PLA2G4D: variants seen among roughly 807,000 people sequenced by gnomAD.
The protein encoded by PLA2G4D is phospholipase A2 group IVD.
Under a neutral mutation model 94.4 loss-of-function variants are expected in PLA2G4D, and 80 were observed. The observed-to-expected ratio is 0.85, with a 90% CI of 0.71 to 1.02. PLA2G4D has a LOEUF of 1.02. Ranked by LOEUF, PLA2G4D falls within the 50% of genes least tolerant of loss-of-function variation. The pLI is 0.00. For missense variants in PLA2G4D, 1,050 were observed against 1,034.7 expected, an observed-to-expected ratio of 1.01 and a Z score of -0.20; for synonymous variants, 438 against 440.9, an observed-to-expected ratio of 0.99 and a Z score of 0.08.
intron 5 of PLA2G4D, 40 bp from the exon 6 acceptor site, chr15:42,085,178 A>C: frequency 6.2e-7 from 1 of 1,613,182 alleles, no homozygotes; most frequent in Non-Finnish European, 8.5e-7. Flanking sequence ...CGCTTCCTGC[A>C]TTGACCTCCC....
rs1344367016 is a variant in PLA2G4D, at chr15:42,083,238, T to C, written c.632A>G (p.Tyr211Cys). Residue 211 changes from tyrosine to cysteine, a missense_variant, in exon 8 of 20, where the codon TAC (tyrosine) becomes TGC (cysteine). Coordinates refer to ENST00000290472, the MANE Select transcript of PLA2G4D (RefSeq NM_178034.4). ...CAGCTCTGTCTCTAGGGCTGCCATG[T>C]AGTGGAAGCGGAAGGCAGAGGCTGT... ...LGTASAFRFHYMAALETELSG... is the reference protein window; with the variant it reads ...LGTASAFRFHCMAALETELSG... 1 of 1,614,116 alleles carries C rather than the reference T, an allele frequency of 6.2e-7. No homozygotes were observed. Among genetic ancestry groups the C allele is most frequent in the African/African-American group, 1.3e-5 (1 of 75,038 alleles).
chr15:42,079,838 G>A (rs984187840), intron 12 of PLA2G4D, 79 bp from the exon 13 acceptor site: 23 of 1,415,862 alleles, frequency 1.6e-5, no homozygotes, highest in Non-Finnish European at 2.2e-5. Flanking sequence ...CCACTCGGCA[G>A]CTTCTCCTGA....
chr15:42,071,378 G>C (rs143363447), intron 16 of PLA2G4D, 61 bp from the exon 17 acceptor site: 2 of 1,566,428 alleles, frequency 1.3e-6, no homozygotes, highest in Admixed American at 1.9e-5. Context: ...CTCAGACACC[G>C]CACACCGCAA....
At chr15:42,094,106 G>A (rs964849938) in intron 1 of PLA2G4D, among the ~76,000 whole-genome samples, 8 of 152,092 alleles carry the variant, frequency 5.3e-5, no homozygotes, top group African/African-American at 1.9e-4. Flanking sequence ...TGGGCCTGGT[G>A]GGTCTCCTTT....
At chr15:42,080,390 A>T (rs1362531662) in intron 12 of PLA2G4D, among the ~76,000 whole-genome samples, 1 of 152,212 alleles carries the variant, frequency 6.6e-6, no homozygotes, top group Non-Finnish European at 1.5e-5. Context: ...TAACAGCGGG[A>T]TGCTGCACCT....
At chr15:42,079,013 T>C (rs1271955050) in intron 13 of PLA2G4D, among the ~76,000 whole-genome samples, 1 of 152,246 alleles carries the variant, frequency 6.6e-6, no homozygotes, top group African/African-American at 2.4e-5. Context: ...ATGCTTATTC[T>C]ATGGTGAGGT....
Position 42,068,643 on chromosome 15 carries a change from C to T in PLA2G4D, c.*72G>A. The T allele has an allele frequency of 6.9e-7, 1 of 1,440,362 alleles. No individual in the cohort carries two copies. The allele number at this position is 1,440,362 out of a possible 1,614,324, so 89.2% of individuals were successfully genotyped here. ...AGCCCAGAACTCCAACCAGGAAGGC[C>T]TGTGGCTGAGCCCAGCTACAGATCA... On this transcript the variant is annotated 3_prime_UTR_variant, in exon 20 of 20. Coordinates refer to ENST00000290472, the MANE Select transcript of PLA2G4D (RefSeq NM_178034.4).
In PLA2G4D at chr15:42,071,273, C is replaced by A; in HGVS notation, c.1726G>T (p.Ala576Ser). Residue 576 changes from alanine (A) to serine (S), a missense_variant, in exon 17 of 20, where the codon GCC becomes TCC. By Grantham distance (99) the Ala-to-Ser change is moderately conservative. Coordinates refer to ENST00000290472, the MANE Select transcript of PLA2G4D (RefSeq NM_178034.4). ...GCCGTGCCTGGCTGCAGCCACGAGG[C>A]CTCCAGCCGCGAGGAGGTCCCCGAG... The part of the protein sequence containing the change: ...TTSGTSSRLE[A>S]SWLQPGTALA... 6.3e-7 allele frequency: 1 copy of A among 1,599,766 alleles called. No individual in the cohort carries two copies. The highest frequency in any genetic ancestry group is 8.5e-7 in the Non-Finnish European group (1 of 1,175,926).
Position 42,069,947 on chromosome 15 carries a change from G to C in PLA2G4D, c.2192C>G (p.Pro731Arg). Residue 731 changes from proline to arginine, a missense_variant, in exon 19 of 20, where the codon CCG (proline) becomes CGG (arginine). Pro to Arg is a moderately radical substitution (Grantham distance 103). Transcript: ENST00000290472. ...CPEAPILLHFPLVNASFKDHS... is the reference protein window; with the variant it reads ...CPEAPILLHFRLVNASFKDHS... ...GTCCTTGAAGGAGGCATTGACCAGC[G>C]GGAAGTGCAGCAGGATCGGGGCCTC... is the stretch of plus-strand genomic sequence containing the variant. 1 of 1,451,044 alleles carries C rather than the reference G, an allele frequency of 6.9e-7. No individual in the cohort carries two copies. The highest frequency in any genetic ancestry group is 1.5e-5 in the South Asian group (1 of 68,248). 89.9% of individuals were successfully genotyped at this position (1,451,044 alleles called of 1,614,324 possible). A position where few individuals can be genotyped will look rare whatever the true frequency, so the allele number is the denominator to read the frequency against.
At chr15:42,076,042 A>C (rs907483895) in intron 13 of PLA2G4D, among the ~76,000 whole-genome samples, 1 of 152,194 alleles carries the variant, frequency 6.6e-6, no homozygotes. Flanking sequence ...GGCCTATCAG[A>C]TACCAAGATT....
At chr15:42,082,135 T>C (rs1194690587) in intron 9 of PLA2G4D, 144 bp downstream of exon 9, 6 of 744,234 alleles carry the variant, frequency 8.1e-6, no homozygotes, top group Non-Finnish European at 1.1e-5. Context: ...TTTTGCCATG[T>C]TGGCCAGGCT....
chr15:42,071,084 C>A, intron 17 of PLA2G4D, 39 bp downstream of exon 17: 1 of 1,592,426 alleles, frequency 6.3e-7, no homozygotes, highest in Non-Finnish European at 8.5e-7. Flanking sequence ...CCCAGAGGCC[C>A]AACCTTGTGA....
At chr15:42,087,125 T>C (rs1011128231) in intron 3 of PLA2G4D, among the ~76,000 whole-genome samples, 175 bp downstream of exon 3, 7 of 152,098 alleles carry the variant, frequency 4.6e-5, no homozygotes, top group African/African-American at 1.7e-4. Context: ...GAAAGGACCA[T>C]GTTCATTCTT....
chr15:42,079,917 A>G (rs983711557), intron 12 of PLA2G4D, among the ~76,000 whole-genome samples, 158 bp from the exon 13 acceptor site: 1 of 152,234 alleles, frequency 6.6e-6, no homozygotes, highest in African/African-American at 2.4e-5. Flanking sequence ...CTCCTTCTAG[A>G]TCAGCGCTGT....
chr15:42,068,990 C>G (rs778483709), intron 19 of PLA2G4D, 49 bp from the exon 20 acceptor site: 1 of 1,523,908 alleles, frequency 6.6e-7, no homozygotes, highest in African/African-American at 1.4e-5. Flanking sequence ...GGGGCTTCTA[C>G]AGCCTGGCAG....
At position 42,082,351 on chromosome 15, in the gene PLA2G4D, A is replaced by G; in HGVS notation, c.711T>C (p.Ala237=). The G allele has an allele frequency of 6.2e-7, 1 of 1,614,192 alleles. No individual in the cohort carries two copies. Among genetic ancestry groups the G allele is most frequent in the Non-Finnish European group, 8.5e-7 (1 of 1,180,020 alleles). ...GCCTCAGGGGCACAGTGAGGTACCC[A>G]GCTGAGTTGTCCCCATTCCAGCCAT... is the stretch of plus-strand genomic sequence containing the variant. ...RSNGWNGDNS[A]GYLTVPLRPL... is the part of the protein sequence containing the mutation. Residue 237 remains alanine (A), a synonymous_variant, in exon 9 of 20, where the codon GCT becomes GCC. Coordinates refer to ENST00000290472, the MANE Select transcript of PLA2G4D (RefSeq NM_178034.4).
At chr15:42,079,490 C>A (rs956153365) in intron 13 of PLA2G4D, 47 bp downstream of exon 13, 1 of 1,531,532 alleles carries the variant, frequency 6.5e-7, no homozygotes, top group Non-Finnish European at 8.7e-7. Flanking sequence ...CTGCCTTCGC[C>A]CCCGCGGTGC....
In PLA2G4D at chr15:42,087,423, G is replaced by C. The variant is rs770154981; in HGVS notation, c.132C>G (p.Asp44Glu). The C allele has an allele frequency of 6.2e-7, 1 of 1,614,074 alleles. No individual in the cohort carries two copies. The highest frequency in any genetic ancestry group is 8.5e-7 in the Non-Finnish European group (1 of 1,180,002). Residue 44 changes from aspartate to glutamate, a missense_variant, in exon 3 of 20, where the codon GAC (aspartate) becomes GAG (glutamate). By Grantham distance (45) the Asp-to-Glu change is conservative (BLOSUM62 2). Transcript: ENST00000290472. ...LRWADLLSEA[D>E]PYVILQLSTA... ...TCGACAGCTGTAGGATCACGTAAGG[G>C]TCGGCCTCACTCACTGCCAAGGTTA...
intron 15 of PLA2G4D, 89 bp downstream of exon 15, chr15:42,071,685 A>C: frequency 1.0e-6 from 1 of 976,500 alleles, no homozygotes; most frequent in Non-Finnish European, 1.5e-6. Flanking sequence ...CCTTGTCCTG[A>C]GGTTCTGCCC....
Sources: allele counts gnomAD v4.1 joint callset (sites outside exome capture counted in the v4.1 genomes callset), GRCh38; gene constraint gnomAD v4.1.1; transcripts MANE v1.5; gene names NCBI Gene and HGNC (gene_info 2026-07-23, HGNC 2026-07-21).